The following FNTA variants were observed in gnomAD, a reference collection of about 807,000 sequenced individuals.
The protein encoded by FNTA is protein farnesyltransferase/geranylgeranyltransferase type-1 subunit alpha.
A neutral mutation model predicts 55.2 loss-of-function variants in FNTA; 27 were observed. That is an observed-to-expected ratio of 0.49 (90% CI 0.36 to 0.67). The LOEUF (loss-of-function observed/expected upper bound fraction) is 0.67. Among genes scored for constraint, FNTA ranks in the 30% least tolerant of loss-of-function variants. The pLI is 0.00. For synonymous variants in FNTA, 176 were observed against 170.7 expected (o/e 1.03, Z -0.24); for missense variants, 422 against 464.7 (o/e 0.91, Z 0.85).
chr8:43,068,271 C>A (rs1407768531), intron 3 of FNTA, among the ~76,000 whole-genome samples: 2 of 152,186 alleles, frequency 1.3e-5, no homozygotes, highest in African/African-American at 2.4e-5. Context: ...CTCAGCCTCC[C>A]AAAGTTAGCA....
At chr8:43,060,541 G>A (rs908428556) in intron 2 of FNTA, among the ~76,000 whole-genome samples, 1 of 152,182 alleles carries the variant, frequency 6.6e-6, no homozygotes, top group East Asian at 1.9e-4. Flanking sequence ...TGGGCGTGGT[G>A]GCAGGCGCCT....
At chr8:43,059,546 A>G (rs1810485146) in intron 2 of FNTA, among the ~76,000 whole-genome samples, 1 of 152,184 alleles carries the variant, frequency 6.6e-6, no homozygotes, top group Non-Finnish European at 1.5e-5. Flanking sequence ...AAACATCAGG[A>G]TTTAAACATA....
Position 43,064,060 on chromosome 8 carries a change from A to G in FNTA, c.287-41A>G, listed in dbSNP as rs745574727. ...CATTATACATTATAGTGCTAATTTT[A>G]AGTAAGATGGTCCTAATGTAGTTGT... is the stretch of plus-strand genomic sequence containing the variant. On this transcript the variant is annotated intron_variant, in intron 2 of 8. Transcript: ENST00000302279. 35 of 1,227,718 alleles carry G rather than the reference A, an allele frequency of 2.9e-5. No individual in the cohort carries two copies. The South Asian group carries it at 4.0e-4, about 14-fold the overall frequency. The allele number at this position is 1,227,718 out of a possible 1,614,324, so 76.1% of individuals were successfully genotyped here. A position where few individuals can be genotyped will look rare whatever the true frequency, so the allele number is the denominator to read the frequency against.
At chr8:43,073,885 C>G (rs1007833110) in intron 5 of FNTA, among the ~76,000 whole-genome samples, 1 of 152,088 alleles carries the variant, frequency 6.6e-6, no homozygotes, top group Non-Finnish European at 1.5e-5. Flanking sequence ...GAACTGTGGT[C>G]TATTTCTATA....
chr8:43,069,993 C>A (rs1810750690), intron 4 of FNTA: 1 of 164,958 alleles, frequency 6.1e-6, no homozygotes. Flanking sequence ...GTGGCTTCTG[C>A]TTGTAATCCC....
chr8:43,084,051 G>T (rs1220392039), intron 7 of FNTA, among the ~76,000 whole-genome samples: 4 of 151,052 alleles, frequency 2.6e-5, no homozygotes, highest in Admixed American at 2.6e-4. Context: ...CAGCCTGGGC[G>T]ACAAGAGACC....
At chr8:43,066,587 C>T (rs868562170) in intron 3 of FNTA, among the ~76,000 whole-genome samples, 15 of 148,580 alleles carry the variant, frequency 1.0e-4, no homozygotes, top group South Asian at 2.1e-4. Flanking sequence ...TAGCATCGTT[C>T]GTGTGTGTGT....
At chr8:43,071,561 A>C (rs1706777603) in intron 4 of FNTA, among the ~76,000 whole-genome samples, 1 of 151,910 alleles carries the variant, frequency 6.6e-6, no homozygotes, top group South Asian at 2.1e-4. Flanking sequence ...AATCCCAGCT[A>C]CTCGGGAGGC....
chr8:43,083,888 C>T (rs570090167), intron 7 of FNTA, among the ~76,000 whole-genome samples: 11 of 152,306 alleles, frequency 7.2e-5, no homozygotes, highest in African/African-American at 1.7e-4. Context: ...GCCTGGCCAA[C>T]ATGGCAAAAC....
At chr8:43,083,222 T>C (rs1811059956) in intron 7 of FNTA, 42 bp downstream of exon 7, 20 of 1,173,888 alleles carry the variant, frequency 1.7e-5, no homozygotes, top group Middle Eastern at 2.0e-4. Flanking sequence ...AAAAAAGAAG[T>C]GGCTATATGA....
In FNTA at chr8:43,072,177, T is replaced by C. The variant is rs775815792; in HGVS notation, c.507-4T>C. On this transcript the variant is annotated splice_polypyrimidine_tract_variant and splice_region_variant and intron_variant, in intron 4 of 8. Transcript: ENST00000302279. ...AAAACTTCTCTCCCTTCTTTGGGCT[T>C]TAGGCATCATAGGCGAGTATTAGTG... is the stretch of plus-strand genomic sequence containing the variant. 1 of 1,519,162 alleles carries C rather than the reference T, an allele frequency of 6.6e-7. No individual in the cohort carries two copies. Among genetic ancestry groups the C allele is most frequent in the Non-Finnish European group, 8.8e-7 (1 of 1,130,594 alleles). 94.1% of individuals were successfully genotyped at this position (1,519,162 alleles called of 1,614,324 possible).
intron 1 of FNTA, 53 bp downstream of exon 1, chr8:43,056,599 C>A: frequency 2.6e-6 from 3 of 1,160,974 alleles, no homozygotes; most frequent in Non-Finnish European, 3.3e-6. Context: ...GGCCCAGCGG[C>A]CCCAAGACCC....
In FNTA at chr8:43,056,387, G is replaced by T; in HGVS notation, c.41G>T (p.Gly14Val). 6.7e-7 allele frequency: 1 copy of T among 1,484,612 alleles called. No homozygotes were observed. Among genetic ancestry groups the T allele is most frequent in the Non-Finnish European group, 8.9e-7 (1 of 1,120,186 alleles). The allele number at this position is 1,484,612 out of a possible 1,614,324, so 92.0% of individuals were successfully genotyped here. The stretch of plus-strand genomic sequence containing the variant: ...GGGGTCGGGGAGGCTGCGCAAGGGG[G>T]CGAGCCCGGGCAGCCGGCGCAACCC... The part of the protein sequence containing the change: ...TEGVGEAAQG[G>V]EPGQPAQPPP... Residue 14 changes from glycine (G) to valine (V), a missense_variant, in exon 1 of 9, where the codon GGC (glycine) becomes GTC (valine). By Grantham distance (109) the Gly-to-Val change is moderately radical. Transcript: ENST00000302279.
In FNTA at chr8:43,056,522, A is replaced by T; in HGVS notation, c.176A>T (p.Asp59Val). The change falls in exon 1 of 9, where the codon GAC (aspartate) becomes GTC (valine). Residue 59 changes from aspartate to valine, a missense_variant. This residue lies in a region of FNTA where 160 missense variants were observed against 121.6 expected (regional missense o/e 1.32). Coordinates refer to ENST00000302279, the MANE Select transcript of FNTA (RefSeq NM_002027.3). ...SPMDDGFVSL[D>V]SPSYVLYRDR... is the part of the protein sequence containing the mutation. ...ATGGACGACGGGTTTGTGAGCCTGG[A>T]CTCGCCCTCCTATGTCCTGTACAGG... is the stretch of plus-strand genomic sequence containing the variant. The T allele has an allele frequency of 6.4e-7, 1 of 1,558,450 alleles. No individual in the cohort carries two copies. The highest frequency in any genetic ancestry group is 1.7e-4 in the Middle Eastern group (1 of 5,880).
chr8:43,082,591 A>G (rs748781958), intron 6 of FNTA: 8 of 152,140 alleles, frequency 5.3e-5, no homozygotes, highest in Non-Finnish European at 1.2e-4. Context: ...TTGTGAATTG[A>G]AGCTTTTAGA....
At chr8:43,061,639 A>T (rs569272481) in intron 2 of FNTA, among the ~76,000 whole-genome samples, 1 of 152,238 alleles carries the variant, frequency 6.6e-6, no homozygotes. Flanking sequence ...TAGATCTATT[A>T]TAACATGAAC....
intron 5 of FNTA, among the ~76,000 whole-genome samples, chr8:43,074,751 T>C (rs572081498): frequency 6.6e-6 from 1 of 152,130 alleles, no homozygotes; most frequent in Admixed American, 6.5e-5. Context: ...GTTGCCAGGG[T>C]GAGGGAAAAG....
At chr8:43,064,700 C>T (rs941772114) in intron 3 of FNTA, among the ~76,000 whole-genome samples, 3 of 151,944 alleles carry the variant, frequency 2.0e-5, no homozygotes, top group Non-Finnish European at 4.4e-5. Flanking sequence ...CCCAATATTC[C>T]CTCCCACTGC....
At position 43,083,111 on chromosome 8, in the gene FNTA, C is replaced by T. The variant is rs753008458; in HGVS notation, c.783-7C>T. The T allele has an allele frequency of 6.0e-6, 9 of 1,491,916 alleles. No individual in the cohort carries two copies. Among genetic ancestry groups the T allele is most frequent in the Middle Eastern group, 1.9e-4 (1 of 5,374 alleles). 92.4% of individuals were successfully genotyped at this position (1,491,916 alleles called of 1,614,324 possible). Reference sequence around the variant, plus strand: ...TTTAAAATTGTATATATATATTTTTCTTGCAGATACACTCTGGAAATGATT... The same window carrying T: ...TTTAAAATTGTATATATATATTTTTTTTGCAGATACACTCTGGAAATGATT... On this transcript the variant is annotated splice_polypyrimidine_tract_variant and splice_region_variant and intron_variant, in intron 6 of 8. Transcript: ENST00000302279.
Sources: allele counts gnomAD v4.1 joint callset (sites outside exome capture counted in the v4.1 genomes callset), GRCh38; gene constraint gnomAD v4.1.1; regional missense constraint gnomAD v4.1.1; transcripts MANE v1.5; gene names NCBI Gene and HGNC (gene_info 2026-07-23, HGNC 2026-07-21).